The following YEATS2 variants were observed in gnomAD, a reference collection of about 807,000 sequenced individuals.
YEATS2 encodes the protein YEATS domain containing 2, also known as YEATS domain-containing protein 2.
YEATS2 carries 77 observed loss-of-function variants against 163.2 expected under a neutral mutation model. The observed-to-expected ratio is 0.47, with a 90% CI of 0.39 to 0.57. The LOEUF (loss-of-function observed/expected upper bound fraction) is 0.57, where lower values mean the gene tolerates loss of function less well. YEATS2 is among the 20% of genes least tolerant of loss of function. YEATS2 has a pLI of 0.00. For synonymous variants in YEATS2, 631 were observed against 645.1 expected, an observed-to-expected ratio of 0.98 and a Z score of 0.33; for missense variants, 1,549 against 1,729.8, an observed-to-expected ratio of 0.90 and a Z score of 1.85.
intron 21 of YEATS2, among the ~76,000 whole-genome samples, chr3:183,792,539 A>G (rs1724758509): frequency 6.6e-6 from 1 of 151,870 alleles, no homozygotes; most frequent in African/African-American, 2.4e-5. Context: ...TATTTTTTTG[A>G]TGGAGTCTTG....
At position 183,807,188 on chromosome 3, in the gene YEATS2, C is replaced by G. The variant is rs551939544; in HGVS notation, c.4011+96C>G. ...ACAGACCCAGACCCAGGTGTTCAGC[C>G]TCACAGACACAGACTCAGACCCAGA... On this transcript the variant is annotated intron_variant, in intron 28 of 30. Coordinates refer to ENST00000305135, the MANE Select transcript of YEATS2 (RefSeq NM_018023.5). 7.2e-6 allele frequency: 8 copies of G among 1,115,944 alleles called. No individual in the cohort carries two copies. In the African/African-American group the frequency reaches 9.3e-5, roughly 13 times the overall value. 69.1% of individuals were successfully genotyped at this position (1,115,944 alleles called of 1,614,324 possible).
At chr3:183,736,081 T>C (rs1718310071) in intron 7 of YEATS2, among the ~76,000 whole-genome samples, 1 of 152,174 alleles carries the variant, frequency 6.6e-6, no homozygotes, top group South Asian at 2.1e-4. Context: ...TATTAACAAT[T>C]TGCTCTTTTC....
In YEATS2 at chr3:183,806,791, A is replaced by G; in HGVS notation, c.3785-75A>G. ...GATGCTTATCCCCCTTCCTCAGACC[A>G]TGGGTCTCTTGGAGACGGAAAGTCC... On this transcript the variant is annotated intron_variant, in intron 27 of 30. Transcript: ENST00000305135. 3 of 1,501,046 alleles carry G rather than the reference A, an allele frequency of 2.0e-6. No homozygotes were observed. The East Asian group carries it at 6.9e-5, about 35-fold the overall frequency. The allele number at this position is 1,501,046 out of a possible 1,614,324, so 93.0% of individuals were successfully genotyped here.
In YEATS2 at chr3:183,758,856, T is replaced by A. The variant is rs1245348580; in HGVS notation, c.1553-6T>A. 2 of 1,565,970 alleles carry A rather than the reference T, an allele frequency of 1.3e-6. No homozygotes were observed. The highest frequency in any genetic ancestry group is 1.7e-6 in the Non-Finnish European group (2 of 1,150,212). On this transcript the variant is annotated splice_region_variant and splice_polypyrimidine_tract_variant and intron_variant, in intron 12 of 30. Transcript: ENST00000305135. ...GTTTATGTTTTAATTGTGCCTTGCTTATCAGGAAGTCCTACAAACAAGATC... is the reference window on the plus strand; with the variant it reads ...GTTTATGTTTTAATTGTGCCTTGCTAATCAGGAAGTCCTACAAACAAGATC...
chr3:183,719,469 T>G (rs987791376), intron 4 of YEATS2, among the ~76,000 whole-genome samples: 2 of 152,184 alleles, frequency 1.3e-5, no homozygotes, highest in African/African-American at 4.8e-5. Flanking sequence ...TCCTCCTAAT[T>G]GTTAGCATTA....
intron 19 of YEATS2, among the ~76,000 whole-genome samples, chr3:183,783,921 C>T (rs890389357): frequency 2.6e-5 from 4 of 151,888 alleles, no homozygotes; most frequent in East Asian, 1.9e-4. Context: ...ATGGTAGTTC[C>T]GTTTTAAGTT....
At position 183,772,447 on chromosome 3, in the gene YEATS2, T is replaced by G. The variant is rs756565594; in HGVS notation, c.2090T>G (p.Val697Gly). Residue 697 changes from valine (V) to glycine (G), a missense_variant, in exon 16 of 31, where the codon GTT (valine) becomes GGT (glycine). Coordinates refer to ENST00000305135, the MANE Select transcript of YEATS2 (RefSeq NM_018023.5). ...VGPKQVVTQG[V>G]AKAIVSGGGG... ...CCAAAGCAAGTTGTAACCCAAGGAGTTGCCAAAGCAATTGTGAGTGGAGGT... is the reference window on the plus strand; with the variant it reads ...CCAAAGCAAGTTGTAACCCAAGGAGGTGCCAAAGCAATTGTGAGTGGAGGT... 3.1e-6 allele frequency: 5 copies of G among 1,613,528 alleles called. No individual in the cohort carries two copies. The highest frequency in any genetic ancestry group is 4.2e-6 in the Non-Finnish European group (5 of 1,179,904).
chr3:183,781,952 C>G (rs1723604929), intron 19 of YEATS2, among the ~76,000 whole-genome samples: 1 of 151,916 alleles, frequency 6.6e-6, no homozygotes, highest in Non-Finnish European at 1.5e-5. Context: ...GTTTCTTTCA[C>G]CATAGATTAG....
At chr3:183,800,223 C>T (rs750179521) in intron 23 of YEATS2, among the ~76,000 whole-genome samples, 3 of 152,108 alleles carry the variant, frequency 2.0e-5, no homozygotes, top group African/African-American at 7.2e-5. Flanking sequence ...ATCTAAGGAG[C>T]CACTTTATTG....
At chr3:183,731,765 T>A (rs1364114852) in intron 7 of YEATS2, among the ~76,000 whole-genome samples, 1 of 152,216 alleles carries the variant, frequency 6.6e-6, no homozygotes, top group Non-Finnish European at 1.5e-5. Flanking sequence ...CTGTATGAGG[T>A]TTGACGTCAT....
At chr3:183,799,138 G>A in intron 23 of YEATS2, 149 bp downstream of exon 23, 1 of 682,718 alleles carries the variant, frequency 1.5e-6, no homozygotes, top group Non-Finnish European at 2.6e-6. Flanking sequence ...TCAGTCACTT[G>A]GCAAATATGT....
In YEATS2 at chr3:183,793,111, T is replaced by C. The variant is rs1325297794; in HGVS notation, c.3097+2131T>C. 6.3e-6 allele frequency: 8 copies of C among 1,278,652 alleles called. No homozygotes were observed. The African/African-American group carries it at 9.2e-5, about 15-fold the overall frequency. 79.2% of individuals were successfully genotyped at this position (1,278,652 alleles called of 1,614,324 possible). On this transcript the variant is annotated intron_variant, in intron 21 of 30. Coordinates refer to ENST00000305135, the MANE Select transcript of YEATS2 (RefSeq NM_018023.5). ...GTTTCTAAATACTGTATTATCTTGT[T>C]GCAGATTGATACCAGCCAGCATACG...
rs1396402419 is a variant in YEATS2, at chr3:183,811,462, C to T, written c.*879C>T. ...GGGGAGCGGCGCCCGGCAGGCTCTT[C>T]TGGGGTCGTCTGTCCTATCCGTGGA... On this transcript the variant is annotated 3_prime_UTR_variant, in exon 31 of 31. Transcript: ENST00000305135. The T allele has an allele frequency of 6.5e-6, 1 of 152,720 alleles. No individual in the cohort carries two copies. Among genetic ancestry groups the T allele is most frequent in the Non-Finnish European group, 1.5e-5 (1 of 68,110 alleles). 9.5% of individuals were successfully genotyped at this position (152,720 alleles called of 1,614,324 possible).
intron 13 of YEATS2, among the ~76,000 whole-genome samples, chr3:183,759,388 CT>C (rs1314222802): frequency 3.3e-5 from 5 of 152,162 alleles, no homozygotes; most frequent in African/African-American, 1.2e-4. Context: ...AATTTAAAAA[CT>C]TACTGTGATA....
chr3:183,803,556 C>T, intron 26 of YEATS2: 1 of 588,024 alleles, frequency 1.7e-6, no homozygotes, highest in Non-Finnish European at 3.0e-6. Context: ...AAATTTTTTT[C>T]TGAGTTTCAG....
chr3:183,790,720 G>A (rs143733560), intron 20 of YEATS2, 77 bp from the exon 21 acceptor site: 2 of 1,500,668 alleles, frequency 1.3e-6, no homozygotes, highest in Non-Finnish European at 1.8e-6. Context: ...TGTGTGTGCT[G>A]TGTGGCCGTC....
intron 19 of YEATS2, among the ~76,000 whole-genome samples, chr3:183,780,598 T>C (rs1723476715): frequency 6.6e-6 from 1 of 152,202 alleles, no homozygotes; most frequent in Non-Finnish European, 1.5e-5. Flanking sequence ...AGTATTGCTG[T>C]CCACAATGAA....
chr3:183,701,723 A>C (rs1244932009), intron 1 of YEATS2, among the ~76,000 whole-genome samples: 1 of 152,182 alleles, frequency 6.6e-6, no homozygotes, highest in African/African-American at 2.4e-5. Flanking sequence ...AGTTAAGTGA[A>C]TTATATTTCA....
chr3:183,778,271 TAAAA>T (rs970255221), intron 19 of YEATS2, among the ~76,000 whole-genome samples: 3 of 152,070 alleles, frequency 2.0e-5, no homozygotes, highest in Non-Finnish European at 4.4e-5. Flanking sequence ...CTTGCACAGT[TAAAA>T]AAATCAAGGT....
Sources: allele counts gnomAD v4.1 joint callset (sites outside exome capture counted in the v4.1 genomes callset), GRCh38; gene constraint gnomAD v4.1.1; transcripts MANE v1.5; gene names NCBI Gene and HGNC (gene_info 2026-07-23, HGNC 2026-07-21).